DKK3: variants seen among roughly 807,000 people sequenced by gnomAD.
DKK3 encodes the protein dickkopf-related protein 3.
DKK3 carries 22 observed loss-of-function variants against 33.2 expected under a neutral mutation model. That is an observed-to-expected ratio of 0.66 (90% CI 0.47 to 0.95). The LOEUF (loss-of-function observed/expected upper bound fraction) is 0.95, where lower values mean the gene tolerates loss of function less well. DKK3 is among the 40% of genes least tolerant of loss of function. The pLI is 0.00. For synonymous variants in DKK3, 194 were observed against 188.8 expected (o/e 1.03, Z -0.23); for missense variants, 398 against 458.4 (o/e 0.87, Z 1.20).
At chr11:11,965,498 T>C (rs1847567017) in intron 6 of DKK3, among the ~76,000 whole-genome samples, 1 of 152,148 alleles carries the variant, frequency 6.6e-6, no homozygotes, top group Non-Finnish European at 1.5e-5. Flanking sequence ...TATCTGTCAT[T>C]GTGACAGGTC....
At chr11:11,964,748 AG>A in intron 6 of DKK3, 62 bp from the exon 7 acceptor site, 1 of 1,558,364 alleles carries the variant, frequency 6.4e-7, no homozygotes, top group Non-Finnish European at 8.7e-7. Context: ...CCGAAAGCTA[AG>A]GCGCCCTGAC....
chr11:11,995,100 G>C (rs1338501866), intron 3 of DKK3, among the ~76,000 whole-genome samples: 1 of 152,112 alleles, frequency 6.6e-6, no homozygotes, highest in African/African-American at 2.4e-5. Flanking sequence ...TTTGTTTCTA[G>C]AGACAGGGTA....
intron 3 of DKK3, among the ~76,000 whole-genome samples, chr11:11,979,394 A>G (rs1847908431): frequency 6.6e-6 from 1 of 152,156 alleles, no homozygotes; most frequent in Non-Finnish European, 1.5e-5. Flanking sequence ...GAAGTCCCCC[A>G]TGTGACTCCG....
intron 3 of DKK3, chr11:11,968,766 C>T (rs1344069996): frequency 3.1e-6 from 1 of 317,742 alleles, no homozygotes; most frequent in Non-Finnish European, 5.8e-6. Flanking sequence ...CCACCCACAC[C>T]CAGGGCGGGA....
chr11:11,995,340 C>G (rs1412254890), intron 3 of DKK3, among the ~76,000 whole-genome samples: 1 of 152,142 alleles, frequency 6.6e-6, no homozygotes, highest in Non-Finnish European at 1.5e-5. Context: ...CCACCTCAGC[C>G]CTCCAAAGTG....
intron 3 of DKK3, among the ~76,000 whole-genome samples, chr11:11,985,502 G>A (rs1848051574): frequency 6.6e-6 from 1 of 152,210 alleles, no homozygotes; most frequent in African/African-American, 2.4e-5. Flanking sequence ...TTCATGGCAT[G>A]TACCAGACAT....
At chr11:11,978,919 G>A (rs1256152602) in intron 3 of DKK3, 1 of 152,220 alleles carries the variant, frequency 6.6e-6, no homozygotes, top group African/African-American at 2.4e-5. Flanking sequence ...TGAGTAACTT[G>A]CCAAAGTCAC....
intron 3 of DKK3, among the ~76,000 whole-genome samples, chr11:11,989,607 G>A (rs1441238816): frequency 1.3e-5 from 2 of 152,140 alleles, no homozygotes; most frequent in Non-Finnish European, 2.9e-5. Flanking sequence ...ATTGTTTAAT[G>A]GGTATAGCAT....
Position 12,008,204 on chromosome 11 carries a change from G to A in DKK3, c.213+166C>T, listed in dbSNP as rs917631724. Among the ~76,000 whole-genome samples the A allele has an allele frequency of 6.6e-6, 1 of 152,168 alleles. No homozygotes were observed. Among genetic ancestry groups the A allele is most frequent in the African/African-American group, 2.4e-5 (1 of 41,454 alleles). On this transcript the variant is annotated intron_variant, in intron 1 of 6. Coordinates refer to ENST00000683431, the MANE Select transcript of DKK3 (RefSeq NM_001018057.2). This position sits in a 1 kb window ranked among gnomAD's most constrained non-coding sequence, Gnocchi z 4.6. The stretch of plus-strand genomic sequence containing the variant: ...AAGGAGGCAAAACGAGGCGGGAGTA[G>A]GGATCACCGTGCGCTGCCTCCAGGT...
At chr11:11,964,916 G>T (rs1006257342) in intron 6 of DKK3, among the ~76,000 whole-genome samples, 5 of 152,174 alleles carry the variant, frequency 3.3e-5, no homozygotes, top group African/African-American at 9.7e-5. Flanking sequence ...CTCCTCCAGC[G>T]CAGGCCTGAC....
At chr11:12,003,662 G>A (rs1301409541) in intron 1 of DKK3, among the ~76,000 whole-genome samples, 3 of 151,994 alleles carry the variant, frequency 2.0e-5, no homozygotes, top group Non-Finnish European at 2.9e-5. Context: ...TTTCAAATGA[G>A]AGACATAAAG....
chr11:11,987,616 G>A (rs903131479), intron 3 of DKK3, among the ~76,000 whole-genome samples: 1 of 152,232 alleles, frequency 6.6e-6, no homozygotes, highest in African/African-American at 2.4e-5. Context: ...GTGCCCGGAG[G>A]TGGGGTATGG....
intron 2 of DKK3, 74 bp downstream of exon 2, chr11:12,002,226 C>A (rs67506856): frequency 0.11 from 155,823 of 1,478,058 alleles, 8,238 homozygotes; most frequent in Middle Eastern, 0.17. Flanking sequence ...TATGAAAAAA[C>A]AAAAACAAAA....
At chr11:12,007,816 C>CAT (rs908423501) in intron 1 of DKK3, among the ~76,000 whole-genome samples, 1 of 152,212 alleles carries the variant, frequency 6.6e-6, no homozygotes, top group African/African-American at 2.4e-5. Flanking sequence ...ATCCGCCACT[C>CAT]ATACAGTGCT....
intron 1 of DKK3, 62 bp from the exon 2 acceptor site, chr11:12,002,499 T>G: frequency 6.5e-7 from 1 of 1,546,356 alleles, no homozygotes; most frequent in East Asian, 2.3e-5. Flanking sequence ...GGGAGTCTAT[T>G]AGAAAAAAAA....
chr11:11,979,348 T>A (rs1349641162), intron 3 of DKK3, among the ~76,000 whole-genome samples: 4 of 152,222 alleles, frequency 2.6e-5, no homozygotes, highest in Non-Finnish European at 4.4e-5. Context: ...CTACAGCGTC[T>A]GGATGCAGAG....
chr11:11,999,195 G>C (rs1470246915), intron 2 of DKK3, among the ~76,000 whole-genome samples: 1 of 152,194 alleles, frequency 6.6e-6, no homozygotes, highest in Non-Finnish European at 1.5e-5. Context: ...AAGCAAGCAG[G>C]TTTTAGCTCT....
intron 3 of DKK3, among the ~76,000 whole-genome samples, chr11:11,981,176 A>G (rs1000043135): frequency 6.6e-5 from 10 of 152,324 alleles, no homozygotes; most frequent in African/African-American, 2.4e-4. Context: ...GCTGGGTTCT[A>G]AGAGGCAACA....
At chr11:12,008,995 G>T, upstream of DKK3, 1 of 997,106 alleles carries the variant, frequency 1.0e-6, no homozygotes, top group Non-Finnish European at 1.2e-6. This position sits in a 1 kb window ranked among gnomAD's most constrained non-coding sequence, Gnocchi z 4.6. Context: ...CCAGGTCAGA[G>T]TGCCCGACCC....
Sources: allele counts gnomAD v4.1 joint callset (sites outside exome capture counted in the v4.1 genomes callset), GRCh38; gene constraint gnomAD v4.1.1; non-coding constraint Gnocchi (gnomAD v3.1); transcripts MANE v1.5; gene names NCBI Gene and HGNC (gene_info 2026-07-23, HGNC 2026-07-21).